The following SIRPG variants were observed in gnomAD, a reference collection of about 807,000 sequenced individuals.
SIRPG encodes the protein signal regulatory protein gamma, also known as signal-regulatory protein gamma.
In SIRPG, 38 loss-of-function variants were observed where a neutral mutation model predicts 35.7. The observed-to-expected ratio is 1.06, with a 90% confidence interval of 0.82 to 1.40. The LOEUF (loss-of-function observed/expected upper bound fraction) is 1.40. SIRPG is among the 40% of genes most tolerant of loss of function. The pLI is 0.00. For missense variants in SIRPG, 519 were observed against 483.0 expected (o/e 1.07, Z -0.70); for synonymous variants, 215 against 190.4 (o/e 1.13, Z -1.06).
chr20:1,636,622 G>A (rs2091805404), intron 2 of SIRPG, 117 bp from the exon 3 acceptor site: 1 of 1,136,282 alleles, frequency 8.8e-7, no homozygotes, highest in Non-Finnish European at 1.3e-6. Context: ...CTAATAATGT[G>A]GAGAGGATGG....
the SIRPG span, among the ~76,000 whole-genome samples, chr20:1,680,689 G>A: frequency 6.9e-6 from 1 of 145,102 alleles, no homozygotes; most frequent in African/African-American, 2.5e-5. Flanking sequence ...CCATATTTAT[G>A]GAATAAAGGG....
At chr20:1,667,916 T>G in the SIRPG span, among the ~76,000 whole-genome samples, 2 of 152,204 alleles carry the variant, frequency 1.3e-5, no homozygotes, top group Non-Finnish European at 2.9e-5. Context: ...TCTTATTGTA[T>G]TGACTGTTCT....
At chr20:1,647,973 C>G (rs2091909897) in intron 2 of SIRPG, 1 of 152,178 alleles carries the variant, frequency 6.6e-6, no homozygotes, top group African/African-American at 2.4e-5. Context: ...AAGGAAGGAG[C>G]CTGCCTCTAT....
chr20:1,670,360 A>C, the SIRPG span: 1 of 168,300 alleles, frequency 5.9e-6, no homozygotes, highest in Non-Finnish European at 1.4e-5. Flanking sequence ...CTAGGCATGC[A>C]TCAGGTGCTC....
At chr20:1,639,697 A>G (rs1471314843) in intron 2 of SIRPG, among the ~76,000 whole-genome samples, 1 of 152,210 alleles carries the variant, frequency 6.6e-6, no homozygotes, top group African/African-American at 2.4e-5. Context: ...GTCTTTGCCC[A>G]TGCCTATGCC....
At chr20:1,682,213 G>A in the SIRPG span, among the ~76,000 whole-genome samples, 1 of 152,184 alleles carries the variant, frequency 6.6e-6, no homozygotes, top group Admixed American at 6.5e-5. Context: ...GTGGGCAACA[G>A]GGAAAACCAA....
In SIRPG at chr20:1,631,400, C is replaced by T. The variant is rs1335351905; in HGVS notation, c.1082-1094G>A. Among the ~76,000 whole-genome samples the T allele has an allele frequency of 2.0e-5, 3 of 152,142 alleles. No homozygotes were observed. The East Asian group carries it at 5.8e-4, about 29-fold the overall frequency. On this transcript the variant is annotated intron_variant, in intron 4 of 5. Coordinates refer to ENST00000303415, the MANE Select transcript of SIRPG (RefSeq NM_018556.4). ...TTGAAAATAGGAAGGCCACGCTTCT[C>T]TCCTCAATTAAAAAACACTACATGA...
At chr20:1,668,125 CTTTT>C in the SIRPG span, among the ~76,000 whole-genome samples, 2 of 151,320 alleles carry the variant, frequency 1.3e-5, no homozygotes, top group African/African-American at 2.4e-5. Flanking sequence ...CCCTTTCTTT[CTTTT>C]TCTTTCTCTT....
chr20:1,630,717 T>C (rs2091743128), intron 4 of SIRPG: 1 of 178,000 alleles, frequency 5.6e-6, no homozygotes, highest in African/African-American at 2.4e-5. Context: ...ATCACTAGTG[T>C]TCCTTAGGTT....
At chr20:1,641,733 C>T (rs1027046439) in intron 2 of SIRPG, among the ~76,000 whole-genome samples, 4 of 152,150 alleles carry the variant, frequency 2.6e-5, no homozygotes, top group African/African-American at 7.2e-5. Context: ...GCATTTCGTG[C>T]TATAAATTTC....
chr20:1,639,289 CCTAA>C (rs2091831478), intron 2 of SIRPG, among the ~76,000 whole-genome samples: 1 of 151,946 alleles, frequency 6.6e-6, no homozygotes, highest in African/African-American at 2.4e-5. Flanking sequence ...TCTATTGTTT[CCTAA>C]CTTTTTAATA....
the SIRPG span, among the ~76,000 whole-genome samples, chr20:1,678,644 AG>A: frequency 6.6e-6 from 1 of 152,204 alleles, no homozygotes; most frequent in Non-Finnish European, 1.5e-5. Flanking sequence ...AAAAAGAGAA[AG>A]GGGCAGAAGA....
At chr20:1,663,257 C>G in the SIRPG span, among the ~76,000 whole-genome samples, 10 of 152,222 alleles carry the variant, frequency 6.6e-5, no homozygotes, top group East Asian at 9.7e-4. Flanking sequence ...AGCTTGCAGT[C>G]AGCCGAGATC....
chr20:1,660,832 C>G (rs2091994042), upstream of SIRPG, among the ~76,000 whole-genome samples: 2 of 152,080 alleles, frequency 1.3e-5, no homozygotes, highest in Non-Finnish European at 2.9e-5. Context: ...AGTGGATGCT[C>G]CAGAAGACTA....
chr20:1,634,245 C>T (rs374089543), intron 4 of SIRPG, among the ~76,000 whole-genome samples: 2 of 143,690 alleles, frequency 1.4e-5, no homozygotes, highest in African/African-American at 5.2e-5. Context: ...CTCGCTCTGT[C>T]GCCCAGGCTG....
chr20:1,636,291 C>A lies in SIRPG; in HGVS notation c.645G>T (p.Leu215=). The change falls in exon 3 of 6, where the codon CTG becomes CTT. Residue 215 remains leucine (L), a synonymous_variant. Coordinates refer to ENST00000303415, the MANE Select transcript of SIRPG (RefSeq NM_018556.4). Reference sequence around the variant, plus strand: ...CCTGAGAGCGAACGTCCCAGGGGTCCAGTACCACCCTGGCTGTGCTGCGGA... The same window carrying A: ...CCTGAGAGCGAACGTCCCAGGGGTCAAGTACCACCCTGGCTGTGCTGCGGA... ...YSIRSTARVV[L]DPWDVRSQVI... is the part of the protein sequence containing the mutation. 6.2e-7 allele frequency: 1 copy of A among 1,614,220 alleles called. No homozygotes were observed.
the SIRPG span, among the ~76,000 whole-genome samples, chr20:1,684,509 A>G: frequency 2.6e-5 from 4 of 152,160 alleles, no homozygotes; most frequent in African/African-American, 9.7e-5. Flanking sequence ...AAATTATGAA[A>G]CCTGTTAAAA....
the SIRPG span, among the ~76,000 whole-genome samples, chr20:1,675,334 G>A: frequency 6.6e-6 from 1 of 152,206 alleles, no homozygotes; most frequent in Admixed American, 6.5e-5. Flanking sequence ...AATGCTTCAT[G>A]TGTGCTGAGA....
the SIRPG span, among the ~76,000 whole-genome samples, chr20:1,667,767 C>T: frequency 6.6e-6 from 1 of 152,218 alleles, no homozygotes; most frequent in East Asian, 1.9e-4. Context: ...TCTTAAATCT[C>T]CACCCAGGGA....
Sources: allele counts gnomAD v4.1 joint callset (sites outside exome capture counted in the v4.1 genomes callset), GRCh38; gene constraint gnomAD v4.1.1; transcripts MANE v1.5; gene names NCBI Gene and HGNC (gene_info 2026-07-23, HGNC 2026-07-21).